Variants in MTUS2 observed in about 807,000 individuals in gnomAD.
MTUS2 encodes microtubule associated scaffold protein 2, also known as microtubule-associated tumor suppressor candidate 2.
MTUS2 carries 40 observed loss-of-function variants against 114.1 expected under a neutral mutation model. The ratio of observed to expected loss-of-function variants is 0.35; its 90% CI spans 0.27 to 0.46. The LOEUF (loss-of-function observed/expected upper bound fraction) is 0.46. MTUS2 is among the 20% of genes least tolerant of loss of function. MTUS2 has a pLI of 1.00. For missense variants in MTUS2, 1,679 were observed against 1,705.4 expected, an observed-to-expected ratio of 0.98 and a Z score of 0.27; for synonymous variants, 688 against 672.0, an observed-to-expected ratio of 1.02 and a Z score of -0.37.
At chr13:29,129,211 C>A (rs199737043) in intron 5 of MTUS2, among the ~76,000 whole-genome samples, 69 of 145,280 alleles carry the variant, frequency 4.7e-4, no homozygotes, top group African/African-American at 1.7e-3. Flanking sequence ...TTTTTTTCCC[C>A]ATCCGGAATG....
intron 2 of MTUS2, among the ~76,000 whole-genome samples, chr13:28,897,884 C>G (rs954127475): frequency 5.6e-5 from 7 of 125,702 alleles, no homozygotes; most frequent in Non-Finnish European, 9.5e-5. Context: ...GGAACATCAC[C>G]CACTGGGGCC....
At chr13:29,145,383 G>T (rs1593525421) in intron 5 of MTUS2, among the ~76,000 whole-genome samples, 1 of 152,162 alleles carries the variant, frequency 6.6e-6, no homozygotes, top group Admixed American at 6.5e-5. Context: ...AGCCGGGCAT[G>T]TTGGTGGGCA....
chr13:28,993,677 T>C (rs76016553), intron 2 of MTUS2, among the ~76,000 whole-genome samples: 2,686 of 152,194 alleles, frequency 0.018, 80 homozygotes, highest in African/African-American at 0.061. Context: ...CTCCTTTCCC[T>C]GTTATCTTTG....
chr13:28,948,738 GTA>G (rs536916691), intron 2 of MTUS2, among the ~76,000 whole-genome samples: 39 of 152,290 alleles, frequency 2.6e-4, no homozygotes, highest in African/African-American at 8.9e-4. Context: ...TGTTTCACAG[GTA>G]TGTGTGTGGC....
In MTUS2 at chr13:29,501,141, A is replaced by G; in HGVS notation, c.3843A>G (p.Gln1281=). 2 of 1,614,216 alleles carry G rather than the reference A, an allele frequency of 1.2e-6. No homozygotes were observed. The highest frequency in any genetic ancestry group is 1.1e-5 in the South Asian group (1 of 91,082). ...IILEEKIQVL[Q]QQNEDLKARI... ...TAGAAGAAAAGATCCAGGTTCTCCA[A>G]CAGCAGAACGAAGACCTCAAAGCAA... The change falls in exon 15 of 16, where the codon CAA becomes CAG. Residue 1281 remains glutamine (Q), a synonymous_variant. Transcript: ENST00000612955.
chr13:29,387,884 G>C (rs1872735345), intron 8 of MTUS2, among the ~76,000 whole-genome samples: 1 of 152,150 alleles, frequency 6.6e-6, no homozygotes, highest in African/African-American at 2.4e-5. Flanking sequence ...AACCATGTTA[G>C]ACCTATTTAC....
chr13:28,852,308 AG>A (rs1876329331), intron 2 of MTUS2, among the ~76,000 whole-genome samples: 2 of 152,122 alleles, frequency 1.3e-5, no homozygotes, highest in Non-Finnish European at 2.9e-5. Flanking sequence ...TTGGATTGGA[AG>A]CTCTGGGAGG....
intron 6 of MTUS2, among the ~76,000 whole-genome samples, chr13:29,282,512 C>T (rs992756115): frequency 6.6e-6 from 1 of 152,232 alleles, no homozygotes; most frequent in African/African-American, 2.4e-5. Flanking sequence ...GCCGAGGCAG[C>T]ATCAGTGTGG....
chr13:29,148,199 G>C (rs1182043602), intron 5 of MTUS2, among the ~76,000 whole-genome samples: 1 of 150,284 alleles, frequency 6.7e-6, no homozygotes, highest in Non-Finnish European at 1.5e-5. Flanking sequence ...GTGATGTTGA[G>C]CTTTTTTTTT....
chr13:29,214,037 C>A (rs1895571040), intron 5 of MTUS2, among the ~76,000 whole-genome samples: 1 of 152,002 alleles, frequency 6.6e-6, no homozygotes, highest in South Asian at 2.1e-4. Context: ...TATCCTTTAA[C>A]TTTCTAGCTT....
At chr13:29,008,857 G>A (rs1222075946) in intron 2 of MTUS2, among the ~76,000 whole-genome samples, 2 of 151,778 alleles carry the variant, frequency 1.3e-5, no homozygotes, top group Admixed American at 6.6e-5. Context: ...TTAATTGGGA[G>A]ACTTGTGTTT....
At chr13:29,445,758 A>AT (rs1187477763) in intron 9 of MTUS2, among the ~76,000 whole-genome samples, 1 of 151,908 alleles carries the variant, frequency 6.6e-6, no homozygotes, top group African/African-American at 2.4e-5. Context: ...CAAAAAAAAA[A>AT]TTAGCCAGGT....
chr13:28,898,794 A>G (rs1169203837), intron 2 of MTUS2, among the ~76,000 whole-genome samples: 1 of 152,224 alleles, frequency 6.6e-6, no homozygotes. Context: ...ATATCATGTA[A>G]TGGGCTGCGA....
At chr13:28,988,152 A>G (rs926288078) in intron 2 of MTUS2, among the ~76,000 whole-genome samples, 14 of 152,258 alleles carry the variant, frequency 9.2e-5, no homozygotes, top group Non-Finnish European at 1.5e-4. Flanking sequence ...CAGCATAAGA[A>G]TCCATGTGTA....
At chr13:29,134,005 T>G (rs889487943) in intron 5 of MTUS2, among the ~76,000 whole-genome samples, 1 of 152,234 alleles carries the variant, frequency 6.6e-6, no homozygotes, top group African/African-American at 2.4e-5. Flanking sequence ...CTTTCATGTT[T>G]TTTATTGTAA....
intron 7 of MTUS2, among the ~76,000 whole-genome samples, chr13:29,355,880 A>C (rs564802503): frequency 6.6e-6 from 1 of 152,154 alleles, no homozygotes; most frequent in East Asian, 1.9e-4. Context: ...TTTTCCCTTC[A>C]TTTAAAGATT....
At position 29,370,490 on chromosome 13, in the gene MTUS2, A is replaced by C. The variant is rs926843166; in HGVS notation, c.3117+11017A>C. On this transcript the variant is annotated intron_variant, in intron 8 of 15. Transcript: ENST00000612955. ...CCCTGTCTCTTGAAAGAAAGAAAGA[A>C]GTGATTAGGCTACACCCTCATTAAG... is the stretch of plus-strand genomic sequence containing the variant. 2.0e-5 allele frequency among the ~76,000 whole-genome samples: 3 copies of C among 152,250 alleles called. No homozygotes were observed. The South Asian group carries it at 6.2e-4, about 32-fold the overall frequency.
intron 5 of MTUS2, among the ~76,000 whole-genome samples, chr13:29,143,012 G>A (rs1892289724): frequency 2.0e-5 from 3 of 152,206 alleles, no homozygotes; most frequent in Admixed American, 2.0e-4. Flanking sequence ...GGATTGGGAA[G>A]GAAGGTGAAT....
Position 29,287,478 on chromosome 13 carries a change from C to T in MTUS2, c.2806+5613C>T, listed in dbSNP as rs115456529. ...ATTTTTGAGAAGTGTGCTCCTTTCC[C>T]TAAAAGCTGACATCACTCTGTATGT... On this transcript the variant is annotated intron_variant, in intron 6 of 15. Transcript: ENST00000612955. 3.8e-3 allele frequency among the ~76,000 whole-genome samples: 539 copies of T among 140,258 alleles called. 3 individuals carry two copies. The highest frequency in any genetic ancestry group is 0.014 in the African/African-American group (506 of 36,642). The allele number at this position is 140,258 out of a possible 152,430, so 92.0% of individuals were successfully genotyped here.
Sources: gnomAD v4.1 joint callset for allele counts (sites outside exome capture counted in the v4.1 genomes callset) on GRCh38, gnomAD v4.1.1 for gene constraint, MANE v1.5 for transcripts, NCBI Gene and HGNC (gene_info 2026-07-23, HGNC 2026-07-21) for gene names.